IL1RAPL2: variants seen among roughly 807,000 people sequenced by gnomAD.
IL1RAPL2 encodes X-linked interleukin-1 receptor accessory protein-like 2.
A neutral mutation model predicts 44.1 loss-of-function variants in IL1RAPL2; 3 were observed. The observed-to-expected ratio is 0.07, with a 90% CI of 0.03 to 0.18. IL1RAPL2 has a LOEUF of 0.18. Ranked by LOEUF, IL1RAPL2 falls within the 10% of genes least tolerant of loss-of-function variation. The pLI is 1.00. For missense variants in IL1RAPL2, 391 were observed against 496.4 expected (o/e 0.79, Z 2.02); for synonymous variants, 181 against 178.8 (o/e 1.01, Z -0.10).
intron 6 of IL1RAPL2, among the ~76,000 whole-genome samples, chrX:105,623,506 T>G (rs952797803): frequency 3.6e-5 from 4 of 111,408 alleles, no homozygotes; most frequent in Admixed American, 9.6e-5. Flanking sequence ...ATTTGGACAC[T>G]TTGTAGACTA....
intron 5 of IL1RAPL2, among the ~76,000 whole-genome samples, chrX:105,346,368 G>A (rs953051165): frequency 2.7e-5 from 3 of 111,735 alleles, no homozygotes; most frequent in Admixed American, 1.9e-4. Context: ...TAATTTTTTT[G>A]TTATAAAAAC....
At chrX:105,631,956 C>T (rs1375864046) in intron 6 of IL1RAPL2, among the ~76,000 whole-genome samples, 1 of 110,799 alleles carries the variant, frequency 9.0e-6, no homozygotes, top group African/African-American at 3.3e-5. Context: ...ATTAGTGCTC[C>T]CTCACCCCCT....
chrX:104,798,539 G>A (rs1220535509), intron 2 of IL1RAPL2, among the ~76,000 whole-genome samples: 1 of 110,524 alleles, frequency 9.0e-6, no homozygotes, highest in Non-Finnish European at 1.9e-5. Flanking sequence ...GGTGGCAGGT[G>A]CCTGTAGTCC....
At position 104,668,501 on chromosome X, in the gene IL1RAPL2, A is replaced by G. The variant is rs187722266; in HGVS notation, c.82+9506A>G. Among the ~76,000 whole-genome samples, 249 of 75,183 alleles carry G rather than the reference A, an allele frequency of 3.3e-3. 1 individual carries two copies. Among genetic ancestry groups the G allele is most frequent in the Non-Finnish European group, 4.8e-3 (198 of 41,683 alleles). 65.3% of individuals were successfully genotyped at this position (75,183 alleles called of 115,157 possible). On this transcript the variant is annotated intron_variant, in intron 2 of 10. Coordinates refer to ENST00000372582, the MANE Select transcript of IL1RAPL2 (RefSeq NM_017416.2). ...CTCCCCCCACCGCACAACAGTCCCCAGAGTGTGATGCTCGTGTTTCTGTTC... is the reference window on the plus strand; with the variant it reads ...CTCCCCCCACCGCACAACAGTCCCCGGAGTGTGATGCTCGTGTTTCTGTTC...
At chrX:105,684,603 C>G (rs1407100332) in intron 6 of IL1RAPL2, among the ~76,000 whole-genome samples, 1 of 112,703 alleles carries the variant, frequency 8.9e-6, no homozygotes, top group Non-Finnish European at 1.9e-5. Context: ...GTGGGCAGGG[C>G]ATAGCTGAAC....
At chrX:105,311,320 A>G (rs187357833) in intron 5 of IL1RAPL2, among the ~76,000 whole-genome samples, 2 of 108,413 alleles carry the variant, frequency 1.8e-5, no homozygotes, top group African/African-American at 6.7e-5. Flanking sequence ...TATGCCTTCT[A>G]TTTGCTGTGT....
At chrX:104,988,164 A>T (rs1348328778) in intron 2 of IL1RAPL2, among the ~76,000 whole-genome samples, 1 of 112,227 alleles carries the variant, frequency 8.9e-6, no homozygotes, top group African/African-American at 3.2e-5. Flanking sequence ...TCCTGTAGGG[A>T]TACATGCCTT....
In IL1RAPL2 at chrX:105,029,940, C is replaced by T. The variant is rs142100784; in HGVS notation, c.83-165535C>T. 3.4e-3 allele frequency among the ~76,000 whole-genome samples: 383 copies of T among 111,614 alleles called. 1 individual carries two copies. The highest frequency in any genetic ancestry group is 0.012 in the African/African-American group (371 of 30,708). On this transcript the variant is annotated intron_variant, in intron 2 of 10. Coordinates refer to ENST00000372582, the MANE Select transcript of IL1RAPL2 (RefSeq NM_017416.2). Reference sequence around the variant, plus strand: ...TGTTTCCTGACTTTTTAATGATCGCCATTCCAACTGGTGTGAGATGGTATC... The same window carrying T: ...TGTTTCCTGACTTTTTAATGATCGCTATTCCAACTGGTGTGAGATGGTATC...
At chrX:104,607,804 T>C (rs913100031) in intron 1 of IL1RAPL2, among the ~76,000 whole-genome samples, 1 of 111,986 alleles carries the variant, frequency 8.9e-6, no homozygotes, top group Non-Finnish European at 1.9e-5. Context: ...GTTCAACCAT[T>C]GTGGAAGACA....
At chrX:105,446,391 A>G (rs1009117478) in intron 5 of IL1RAPL2, among the ~76,000 whole-genome samples, 2 of 110,908 alleles carry the variant, frequency 1.8e-5, no homozygotes, top group African/African-American at 6.5e-5. Context: ...CCTACATACA[A>G]TGTTATTATT....
chrX:105,202,696 G>A (rs782779653), intron 3 of IL1RAPL2, among the ~76,000 whole-genome samples: 14 of 111,449 alleles, frequency 1.3e-4, no homozygotes, highest in African/African-American at 4.2e-4. Context: ...TTCCAATTCA[G>A]TGGATCAATC....
At chrX:105,131,557 A>G (rs2033026940) in intron 2 of IL1RAPL2, among the ~76,000 whole-genome samples, 1 of 109,528 alleles carries the variant, frequency 9.1e-6, no homozygotes, top group Non-Finnish European at 1.9e-5. Context: ...TCATAGGCCA[A>G]TACAGAAACA....
chrX:105,100,310 A>G (rs2032656822), intron 2 of IL1RAPL2, among the ~76,000 whole-genome samples: 1 of 111,695 alleles, frequency 9.0e-6, no homozygotes, highest in Admixed American at 9.5e-5. Flanking sequence ...ATTTTTCCAT[A>G]ACTCTAAAGT....
At chrX:105,595,090 A>G (rs1431060850) in intron 6 of IL1RAPL2, among the ~76,000 whole-genome samples, 1 of 112,175 alleles carries the variant, frequency 8.9e-6, no homozygotes, top group East Asian at 2.8e-4. Flanking sequence ...TTACCATTTT[A>G]ACACCATTTT....
intron 2 of IL1RAPL2, among the ~76,000 whole-genome samples, chrX:104,730,621 A>G (rs933234636): frequency 9.6e-6 from 1 of 103,790 alleles, no homozygotes; most frequent in African/African-American, 3.4e-5. Context: ...CCAGTCTATC[A>G]TCGTTGGACA....
intron 5 of IL1RAPL2, chrX:105,406,584 C>T (rs756291546): frequency 5.6e-5 from 66 of 1,186,448 alleles, no homozygotes; most frequent in Non-Finnish European, 7.3e-5. Flanking sequence ...TTTGGACCTT[C>T]GATACATTAA....
chrX:105,341,993 G>C (rs945819359), intron 5 of IL1RAPL2, among the ~76,000 whole-genome samples: 1 of 109,693 alleles, frequency 9.1e-6, no homozygotes, highest in Non-Finnish European at 1.9e-5. Flanking sequence ...AAAATGATGA[G>C]TTCATGTCCT....
intron 2 of IL1RAPL2, among the ~76,000 whole-genome samples, chrX:105,010,422 T>C (rs2031029567): frequency 8.9e-6 from 1 of 111,752 alleles, no homozygotes; most frequent in South Asian, 3.7e-4. Flanking sequence ...GTTTCTCTTC[T>C]ACAAGACTTT....
At chrX:105,517,765 G>C (rs1382794004) in intron 6 of IL1RAPL2, among the ~76,000 whole-genome samples, 2 of 110,864 alleles carry the variant, frequency 1.8e-5, no homozygotes, top group East Asian at 5.7e-4. Flanking sequence ...GACAAATTTG[G>C]GTCTCATTCA....
Sources: allele counts gnomAD v4.1 joint callset (sites outside exome capture counted in the v4.1 genomes callset), GRCh38; gene constraint gnomAD v4.1.1; transcripts MANE v1.5; gene names NCBI Gene and HGNC (gene_info 2026-07-23, HGNC 2026-07-21).